Variants in SART3 observed in about 807,000 individuals in gnomAD.
SART3 encodes HIV-1 Tat-interacting protein of 110kDa.
SART3 carries 44 observed loss-of-function variants against 122.3 expected under a neutral mutation model. That is an observed-to-expected ratio of 0.36 (90% CI 0.28 to 0.46). SART3 has a LOEUF of 0.46. Ranked by LOEUF, SART3 falls within the 20% of genes least tolerant of loss-of-function variation. The probability of loss-of-function intolerance (pLI) is 1.00; values close to 1 mark genes in which losing one functional copy is unlikely to be tolerated. For synonymous variants in SART3, 442 were observed against 454.0 expected, an observed-to-expected ratio of 0.97 and a Z score of 0.34; for missense variants, 1,101 against 1,229.0, an observed-to-expected ratio of 0.90 and a Z score of 1.56.
At chr12:108,549,028 T>G in intron 2 of SART3, 60 bp downstream of exon 2, 1 of 1,612,762 alleles carries the variant, frequency 6.2e-7, no homozygotes, top group East Asian at 2.2e-5. Flanking sequence ...CTTTCAACAT[T>G]GTAAAAAATG....
chr12:108,529,365 T>C (rs572298828), intron 15 of SART3, among the ~76,000 whole-genome samples: 1 of 152,040 alleles, frequency 6.6e-6, no homozygotes, highest in African/African-American at 2.4e-5. Flanking sequence ...CCAACAGCAG[T>C]GAGCACAACT....
chr12:108,532,057 CAGG>C, intron 13 of SART3, 162 bp downstream of exon 13: 1 of 648,938 alleles, frequency 1.5e-6, no homozygotes, highest in South Asian at 1.6e-5. Context: ...AGAAGAGCTG[CAGG>C]AGGACTCATT....
At chr12:108,535,216 T>C (rs1424162400) in intron 12 of SART3, 143 bp downstream of exon 12, 4 of 726,916 alleles carry the variant, frequency 5.5e-6, no homozygotes, top group Non-Finnish European at 1.0e-5. Context: ...CCATTAAAAA[T>C]GTACCCACTA....
At chr12:108,532,022 GTCC>G (rs1408190837) in intron 13 of SART3, 197 bp downstream of exon 13, 2 of 588,976 alleles carry the variant, frequency 3.4e-6, no homozygotes, top group Admixed American at 2.3e-5. Flanking sequence ...ACATCACAGA[GTCC>G]TCCTTGTAGC....
intron 1 of SART3, among the ~76,000 whole-genome samples, chr12:108,551,598 G>A (rs1467815973): frequency 2.0e-5 from 3 of 151,972 alleles, no homozygotes; most frequent in African/African-American, 4.8e-5. Context: ...CAATAACGCC[G>A]TCAACGAACA....
chr12:108,547,829 C>G (rs1873498107), intron 3 of SART3, 58 bp downstream of exon 3: 1 of 1,261,200 alleles, frequency 7.9e-7, no homozygotes. Context: ...CAGTCCTCAA[C>G]AGCAGACTGA....
chr12:108,545,635 A>G (rs890426102), intron 3 of SART3, among the ~76,000 whole-genome samples: 3 of 152,096 alleles, frequency 2.0e-5, no homozygotes, highest in African/African-American at 7.2e-5. Context: ...CTAAAAGAAG[A>G]CTCATGGGCC....
At position 108,556,134 on chromosome 12, in the gene SART3, C is replaced by T. The variant is rs1211573119; in HGVS notation, c.312+4709G>A. Among the ~76,000 whole-genome samples, 4 of 151,934 alleles carry T rather than the reference C, an allele frequency of 2.6e-5. No homozygotes were observed. In the East Asian group the frequency reaches 5.8e-4, roughly 22 times the overall value. On this transcript the variant is annotated intron_variant, in intron 1 of 18. Transcript: ENST00000546815. ...TTTTTGAGTCAGGGTCTCACTCTTA[C>T]CCAGGCTGGAGTGCCGTGGCAGTCA...
Position 108,526,363 on chromosome 12 carries a change from G to C in SART3, c.2106C>G (p.Asp702Glu). The stretch of plus-strand genomic sequence containing the variant: ...GGTTGCTGACAAAGACGGTGATGCT[G>C]TCCTTGCTGCTGTCGTGCAGCACCT... ...MPKVLHDSSK[D>E]SITVFVSNLP... Residue 702 changes from aspartate to glutamate, a missense_variant, in exon 16 of 19, where the codon GAC (aspartate) becomes GAG (glutamate). By Grantham distance (45) the Asp-to-Glu change is conservative. Coordinates refer to ENST00000546815, the MANE Select transcript of SART3 (RefSeq NM_014706.4). 1 of 1,613,926 alleles carries C rather than the reference G, an allele frequency of 6.2e-7. No individual in the cohort carries two copies. Among genetic ancestry groups the C allele is most frequent in the Non-Finnish European group, 8.5e-7 (1 of 1,179,802 alleles).
At chr12:108,550,703 A>T (rs933010053) in intron 1 of SART3, among the ~76,000 whole-genome samples, 1 of 152,186 alleles carries the variant, frequency 6.6e-6, no homozygotes, top group Non-Finnish European at 1.5e-5. Context: ...TCTACCAAAA[A>T]ATACAAAAAA....
chr12:108,549,830 A>C (rs1293007099), intron 1 of SART3, among the ~76,000 whole-genome samples: 1 of 151,956 alleles, frequency 6.6e-6, no homozygotes, highest in African/African-American at 2.4e-5. Context: ...AGCCTCAGCA[A>C]CACAGTCAAA....
chr12:108,544,416 G>A lies in SART3; in HGVS notation c.781+11C>T, dbSNP rs893609516. Reference sequence around the variant, plus strand: ...TAGAGGGCTGGCTGTTGACATGTCAGTTTCTCTTACCATAGAGTGGGATCG... The same window carrying A: ...TAGAGGGCTGGCTGTTGACATGTCAATTTCTCTTACCATAGAGTGGGATCG... On this transcript the variant is annotated intron_variant, in intron 5 of 18. Transcript: ENST00000546815. 1.4e-5 allele frequency: 22 copies of A among 1,611,238 alleles called. 1 individual carries two copies. In the East Asian group the frequency reaches 4.9e-4, roughly 36 times the overall value.
chr12:108,545,438 G>C, intron 3 of SART3, 115 bp from the exon 4 acceptor site: 1 of 899,810 alleles, frequency 1.1e-6, no homozygotes, highest in Non-Finnish European at 1.8e-6. Context: ...AGCACTAAAT[G>C]ACAGTGAAGG....
Position 108,539,020 on chromosome 12 carries a change from G to C in SART3, c.976C>G (p.Pro326Ala). 1.9e-6 allele frequency: 3 copies of C among 1,614,198 alleles called. No homozygotes were observed. Among genetic ancestry groups the C allele is most frequent in the Non-Finnish European group, 2.5e-6 (3 of 1,180,034 alleles). ...YIDFEMKIGD[P>A]ARIQLIFERA... ...TCAAAGATCAACTGAATGCGAGCAG[G>C]ATCGCCAATTTTCATCTCAAAATCG... The change falls in exon 7 of 19, where the codon CCT becomes GCT. Residue 326 changes from proline (P) to alanine (A), a missense_variant. By Grantham distance (27) the Pro-to-Ala change is conservative. This residue lies in a region of SART3 where 885 missense variants were observed against 1,080.1 expected (regional missense o/e 0.82). Coordinates refer to ENST00000546815, the MANE Select transcript of SART3 (RefSeq NM_014706.4).
intron 2 of SART3, among the ~76,000 whole-genome samples, chr12:108,548,391 T>C (rs1873533455): frequency 6.6e-6 from 1 of 152,256 alleles, no homozygotes; most frequent in Non-Finnish European, 1.5e-5. Flanking sequence ...CAGAAACTAC[T>C]GTTGCCATCA....
chr12:108,551,403 T>A (rs1266337929), intron 1 of SART3, among the ~76,000 whole-genome samples: 3 of 152,152 alleles, frequency 2.0e-5, no homozygotes, highest in Non-Finnish European at 4.4e-5. Context: ...AACTTCAACA[T>A]CTCCCTTTTC....
chr12:108,561,024 G>A lies in SART3; in HGVS notation c.131C>T (p.Ala44Val), dbSNP rs1437120889. 2.0e-5 allele frequency: 32 copies of A among 1,614,032 alleles called. No individual in the cohort carries two copies. The highest frequency in any genetic ancestry group is 2.7e-5 in the Non-Finnish European group (32 of 1,180,012). The change falls in exon 1 of 19, where the codon GCC (alanine) becomes GTC (valine). Residue 44 changes from alanine (A) to valine (V), a missense_variant. By Grantham distance (64) the Ala-to-Val change is moderately conservative. Around this residue, in one of 2 missense-constraint regions of SART3, gnomAD observed 216 missense variants for 148.9 expected, o/e 1.45. Coordinates refer to ENST00000546815, the MANE Select transcript of SART3 (RefSeq NM_014706.4). ...CCCCATGGTCTTGTATGTCGCAGCG[G>A]CCACAGCCCGCGATAACACCTTCCT... ...TRRKVLSRAV[A>V]AATYKTMGPA...
intron 2 of SART3, 79 bp from the exon 3 acceptor site, chr12:108,548,070 G>T: frequency 1.6e-6 from 2 of 1,214,760 alleles, no homozygotes; most frequent in Non-Finnish European, 2.4e-6. Context: ...ACATCAGCAT[G>T]CAAACGTTTC....
Position 108,526,107 on chromosome 12 carries a change from C to T in SART3, c.2362G>A (p.Asp788Asn), listed in dbSNP as rs777779466. The change falls in exon 16 of 19, where the codon GAT (aspartate) becomes AAT (asparagine). Residue 788 changes from aspartate to asparagine, a missense_variant. Asp to Asn is a conservative substitution (Grantham distance 23). Transcript: ENST00000546815. The part of the protein sequence containing the change: ...SPCVDKSKNP[D>N]FKVFRYSTSL... Reference sequence around the variant, plus strand: ...TTTTTCCATAAACCTACCTTAAAATCGGGGTTTTTGCTCTTATCCACACAG... The same window carrying T: ...TTTTTCCATAAACCTACCTTAAAATTGGGGTTTTTGCTCTTATCCACACAG... 15 of 1,613,714 alleles carry T rather than the reference C, an allele frequency of 9.3e-6. No individual in the cohort carries two copies. Among genetic ancestry groups the T allele is most frequent in the African/African-American group, 1.3e-5 (1 of 74,918 alleles).
Sources: gnomAD v4.1 joint callset for allele counts (sites outside exome capture counted in the v4.1 genomes callset) on GRCh38, gnomAD v4.1.1 for gene constraint, gnomAD v4.1.1 regional missense constraint, MANE v1.5 for transcripts, NCBI Gene and HGNC (gene_info 2026-07-23, HGNC 2026-07-21) for gene names.